Variants in LY75 observed in about 807,000 individuals in gnomAD.
The protein encoded by LY75 is lymphocyte antigen 75, also known as C-type lectin domain family 13 member B.
In LY75, 185 loss-of-function variants were observed where a neutral mutation model predicts 231.7. The observed-to-expected ratio is 0.80, with a 90% CI of 0.71 to 0.90. LY75 has a LOEUF of 0.90. LY75 is among the 40% of genes least tolerant of loss of function. The pLI, the probability that LY75 is intolerant of heterozygous loss-of-function variation, is 0.00. For missense variants in LY75, 1,947 were observed against 2,050.2 expected (o/e 0.95, Z 0.97); for synonymous variants, 668 against 689.0 (o/e 0.97, Z 0.48).
chr2:159,817,105 C>T lies in LY75; in HGVS notation c.4154-73G>A, dbSNP rs1024742890. 5 of 1,400,528 alleles carry T rather than the reference C, an allele frequency of 3.6e-6. No individual in the cohort carries two copies. In the African/African-American group the frequency reaches 7.3e-5, roughly 20 times the overall value. 86.8% of individuals were successfully genotyped at this position (1,400,528 alleles called of 1,614,324 possible). A position where few individuals can be genotyped will look rare whatever the true frequency, so the allele number is the denominator to read the frequency against. On this transcript the variant is annotated intron_variant, in intron 29 of 34. Transcript: ENST00000263636. ...TACATCTTTTGGATGAGACAACATG[C>T]AATCATTTCAAAAGTTAAATAAAAC... is the stretch of plus-strand genomic sequence containing the variant.
chr2:159,850,141 C>G lies in LY75; in HGVS notation c.2990-1G>C. On this transcript the variant is annotated splice_acceptor_variant, in intron 22 of 34. Transcript: ENST00000263636. LOFTEE classifies it high-confidence loss of function. The stretch of plus-strand genomic sequence containing the variant: ...TCCGGAAGCAAGGATGTAATAAAGT[C>G]TGTTAGAAAGAGATTTTTAAAAAGC... 3 of 1,599,118 alleles carry G rather than the reference C, an allele frequency of 1.9e-6. No individual in the cohort carries two copies. Among genetic ancestry groups the G allele is most frequent in the Non-Finnish European group, 2.5e-6 (3 of 1,176,498 alleles).
Position 159,842,414 on chromosome 2 carries a change from A to G in LY75, c.3151-40T>C. 1.9e-6 allele frequency: 3 copies of G among 1,582,088 alleles called. No individual in the cohort carries two copies. The East Asian group carries it at 6.9e-5, about 36-fold the overall frequency. On this transcript the variant is annotated intron_variant, in intron 23 of 34. Coordinates refer to ENST00000263636, the MANE Select transcript of LY75 (RefSeq NM_002349.4). ...AAATACATACATGCAATCATGTAAC[A>G]ATGGTCTGAAGCTCCTAGCAAGAAA...
intron 28 of LY75, among the ~76,000 whole-genome samples, chr2:159,825,727 G>A (rs113696856): frequency 0.1 from 15,649 of 152,112 alleles, 2,776 homozygotes; most frequent in African/African-American, 0.36. Context: ...CTGGCAAACC[G>A]AATCCAGCAG....
chr2:159,828,605 A>C (rs1299630230), intron 28 of LY75, among the ~76,000 whole-genome samples: 1 of 152,230 alleles, frequency 6.6e-6, no homozygotes, highest in Non-Finnish European at 1.5e-5. Flanking sequence ...GGTTAAACAA[A>C]AGATGCAGCA....
intron 23 of LY75, among the ~76,000 whole-genome samples, chr2:159,848,063 GGT>G (rs1480224891): frequency 1.4e-5 from 1 of 70,666 alleles, no homozygotes; most frequent in African/African-American, 6.8e-5. Context: ...AAGAAATTAT[GGT>G]GTGTATATAT....
At position 159,815,487 on chromosome 2, in the gene LY75, A is replaced by G. The variant is rs774765706; in HGVS notation, c.4467T>C (p.Val1489=). 26 of 1,613,846 alleles carry G rather than the reference A, an allele frequency of 1.6e-5. No homozygotes were observed. The highest frequency in any genetic ancestry group is 1.9e-5 in the Non-Finnish European group (23 of 1,179,982). ...TCCAAGTTCCTTTTGGATCCAAGAGAACACAATTTCCAGGAGATGTTTGGC... is the reference window on the plus strand; with the variant it reads ...TCCAAGTTCCTTTTGGATCCAAGAGGACACAATTTCCAGGAGATGTTTGGC... The part of the protein sequence containing the change: ...WKGQTSPGNC[V]LLDPKGTWKH... Residue 1489 remains valine, a synonymous_variant, in exon 31 of 35, where the codon GTT becomes GTC. Transcript: ENST00000263636.
At position 159,829,318 on chromosome 2, in the gene LY75, A is replaced by G. The variant is rs530548063; in HGVS notation, c.3958+2352T>C. ...TTCCTCTTCCCTTCTCCTAAACTTC[A>G]AAGTTATCAATTTTCTGACCAATAT... is the stretch of plus-strand genomic sequence containing the variant. On this transcript the variant is annotated intron_variant, in intron 28 of 34. Transcript: ENST00000263636. 2.0e-5 allele frequency among the ~76,000 whole-genome samples: 3 copies of G among 152,272 alleles called. No individual in the cohort carries two copies. The East Asian group carries it at 5.8e-4, about 29-fold the overall frequency.
At chr2:159,848,167 T>TAC (rs57080202) in intron 23 of LY75, among the ~76,000 whole-genome samples, 3,411 of 78,804 alleles carry the variant, frequency 0.043, 78 homozygotes, top group African/African-American at 0.19. Flanking sequence ...TGTGTGTGTG[T>TAC]ATATGTATAT....
chr2:159,859,548 C>T (rs66814375), intron 15 of LY75, among the ~76,000 whole-genome samples: 57,673 of 152,054 alleles, frequency 0.38, 13,692 homozygotes, highest in Non-Finnish European at 0.53. Flanking sequence ...TAGCATACAT[C>T]TTATAGCTAG....
At chr2:159,832,775 C>A (rs146180308) in intron 27 of LY75, among the ~76,000 whole-genome samples, 1 of 152,046 alleles carries the variant, frequency 6.6e-6, no homozygotes, top group Non-Finnish European at 1.5e-5. Flanking sequence ...TTTTTTCAAC[C>A]TTATTCTAAG....
intron 7 of LY75, among the ~76,000 whole-genome samples, chr2:159,881,446 A>C (rs1685433952): frequency 6.6e-6 from 1 of 152,190 alleles, no homozygotes; most frequent in African/African-American, 2.4e-5. Flanking sequence ...CACAGGTAGA[A>C]CATCTGCAGG....
intron 8 of LY75, among the ~76,000 whole-genome samples, chr2:159,880,281 T>C (rs1475871000): frequency 2.0e-5 from 3 of 152,214 alleles, no homozygotes; most frequent in Non-Finnish European, 4.4e-5. Context: ...AAGTAAAAGA[T>C]GTTCAAAAAA....
chr2:159,806,439 C>CT (rs1471776432), intron 34 of LY75, among the ~76,000 whole-genome samples: 5 of 152,148 alleles, frequency 3.3e-5, no homozygotes, highest in Admixed American at 3.3e-4. Flanking sequence ...ATTTGGAGCT[C>CT]TTTCTCCAGA....
chr2:159,868,553 G>A (rs1684920418), intron 13 of LY75, among the ~76,000 whole-genome samples: 1 of 152,092 alleles, frequency 6.6e-6, no homozygotes, highest in African/African-American at 2.4e-5. Flanking sequence ...AGAAGGGAGT[G>A]CTCAACAAGT....
chr2:159,837,732 A>C (rs1011364159), intron 25 of LY75, among the ~76,000 whole-genome samples: 2 of 152,152 alleles, frequency 1.3e-5, no homozygotes, highest in African/African-American at 2.4e-5. Flanking sequence ...CAGATACCAC[A>C]GGACTATGAG....
rs935168435 is a variant in LY75 at position 159,827,188 on chromosome 2, G to C, written c.3958+4482C>G. Among the ~76,000 whole-genome samples, 49 of 152,056 alleles carry C rather than the reference G, an allele frequency of 3.2e-4. 1 individual carries two copies. The highest frequency in any genetic ancestry group is 4.4e-5 in the Non-Finnish European group (3 of 68,010). On this transcript the variant is annotated intron_variant, in intron 28 of 34. Coordinates refer to ENST00000263636, the MANE Select transcript of LY75 (RefSeq NM_002349.4). Reference sequence around the variant, plus strand: ...TCAACAGGCAACATACAAAATGAGAGAAAATTTTTGCAGTCTATCCATTTG... The same window carrying C: ...TCAACAGGCAACATACAAAATGAGACAAAATTTTTGCAGTCTATCCATTTG...
At chr2:159,884,194 G>T (rs1685519044) in intron 6 of LY75, among the ~76,000 whole-genome samples, 1 of 152,204 alleles carries the variant, frequency 6.6e-6, no homozygotes, top group African/African-American at 2.4e-5. Context: ...GGCCATGATT[G>T]TGAGACCTCC....
chr2:159,881,116 AT>A lies in LY75; in HGVS notation c.1370del (p.Asn457IlefsTer10). 6.2e-7 allele frequency: 1 copy of A among 1,613,890 alleles called. No individual in the cohort carries two copies. Among genetic ancestry groups the A allele is most frequent in the Non-Finnish European group, 8.5e-7 (1 of 1,179,870 alleles). On this transcript the variant is annotated frameshift_variant, in exon 8 of 35. Coordinates refer to ENST00000263636, the MANE Select transcript of LY75 (RefSeq NM_002349.4). LOFTEE classifies it high-confidence loss of function. ...AGTAGGAAACACAGTTGGGCGTCTT[AT>A]TGTAGGGAACATTTGGCTCATTCTC... ...WDENEPNVPY[N>X]KTPNCVSYLG...
At chr2:159,880,561 T>C (rs1403961654) in intron 8 of LY75, among the ~76,000 whole-genome samples, 1 of 152,220 alleles carries the variant, frequency 6.6e-6, no homozygotes, top group Admixed American at 6.5e-5. Context: ...ATTCTCTGTA[T>C]CTGTTTGAGA....
Sources: gnomAD v4.1 joint callset for allele counts (sites outside exome capture counted in the v4.1 genomes callset) on GRCh38, gnomAD v4.1.1 for gene constraint, MANE v1.5 for transcripts, NCBI Gene and HGNC (gene_info 2026-07-23, HGNC 2026-07-21) for gene names.